Variants in PDE10A observed in about 807,000 individuals in gnomAD.
PDE10A encodes cAMP and cAMP-inhibited cGMP 3',5'-cyclic phosphodiesterase 10A.
Under a neutral mutation model 97.7 loss-of-function variants are expected in PDE10A, and 39 were observed. The observed-to-expected ratio is 0.40, with a 90% confidence interval of 0.31 to 0.52. PDE10A has a LOEUF of 0.52. Among genes scored for constraint, PDE10A ranks in the 20% least tolerant of loss-of-function variants. The probability of loss-of-function intolerance (pLI) is 0.56; values close to 1 mark genes in which losing one functional copy is unlikely to be tolerated. For missense variants in PDE10A, 731 were observed against 1,047.8 expected, an observed-to-expected ratio of 0.70 and a Z score of 4.17; for synonymous variants, 371 against 376.8, an observed-to-expected ratio of 0.98 and a Z score of 0.18.
At chr6:165,838,035 A>G (rs377294574) in intron 1 of PDE10A, among the ~76,000 whole-genome samples, 1 of 152,230 alleles carries the variant, frequency 6.6e-6, no homozygotes, top group South Asian at 2.1e-4. Flanking sequence ...AGAGGAAGTT[A>G]GAGAACTAGA....
chr6:165,675,432 G>C (rs879927262), intron 1 of PDE10A, among the ~76,000 whole-genome samples: 4 of 151,882 alleles, frequency 2.6e-5, no homozygotes, highest in Non-Finnish European at 5.9e-5. Context: ...GTATATTCTT[G>C]GTATTGAGAA....
At chr6:165,630,366 A>T (rs1417935347) in intron 1 of PDE10A, among the ~76,000 whole-genome samples, 1 of 152,094 alleles carries the variant, frequency 6.6e-6, no homozygotes, top group Admixed American at 6.5e-5. Context: ...CAAACAAAAA[A>T]CTGTATATAG....
intron 1 of PDE10A, among the ~76,000 whole-genome samples, chr6:165,966,499 G>A (rs987104959): frequency 9.9e-5 from 15 of 152,222 alleles, no homozygotes; most frequent in South Asian, 2.1e-4. Context: ...TCCAGGCCTC[G>A]CAGCCCAGCT....
intron 1 of PDE10A, among the ~76,000 whole-genome samples, chr6:165,714,351 G>C (rs1791975690): frequency 6.6e-6 from 1 of 152,350 alleles, no homozygotes; most frequent in Non-Finnish European, 1.5e-5. Flanking sequence ...TTTGCCGTTT[G>C]TGAACCTCCA....
At chr6:165,778,816 T>C (rs1172354784) in intron 1 of PDE10A, among the ~76,000 whole-genome samples, 1 of 152,260 alleles carries the variant, frequency 6.6e-6, no homozygotes, top group African/African-American at 2.4e-5. Context: ...TATGAAATTC[T>C]TGCTTGTATT....
rs373542158 is a variant in PDE10A, at chr6:165,354,061, A to C, written c.2784-10559T>G. 2.6e-3 allele frequency among the ~76,000 whole-genome samples: 395 copies of C among 152,324 alleles called. 26 individuals are homozygous for C. In the South Asian group the frequency reaches 0.078, roughly 30 times the overall value. On this transcript the variant is annotated intron_variant, in intron 18 of 21. Transcript: ENST00000539869. Reference sequence around the variant, plus strand: ...GAAATAAAATTGGTTAATGTAAAAAAGAATTATAGTTTCAAATAAGATGGA... The same window carrying C: ...GAAATAAAATTGGTTAATGTAAAAACGAATTATAGTTTCAAATAAGATGGA...
At chr6:165,760,858 G>C (rs1474244269) in intron 1 of PDE10A, among the ~76,000 whole-genome samples, 1 of 152,164 alleles carries the variant, frequency 6.6e-6, no homozygotes, top group Non-Finnish European at 1.5e-5. Context: ...ATTTGTAGCA[G>C]CTCCAACTGC....
Position 165,712,834 on chromosome 6 carries a change from G to A in PDE10A, c.-614-169266C>T, listed in dbSNP as rs183946454. Among the ~76,000 whole-genome samples the A allele has an allele frequency of 3.9e-4, 60 of 152,132 alleles. 1 individual carries two copies. Among genetic ancestry groups the A allele is most frequent in the African/African-American group, 1.3e-3 (55 of 41,526 alleles). On this transcript the variant is annotated intron_variant, in intron 1 of 19. Transcript: ENST00000366882. ...TTTTGTATTTTTTAGTAGAGACGGAGCTTCACCGTGTTAGCCAGGATGGTC... is the reference window on the plus strand; with the variant it reads ...TTTTGTATTTTTTAGTAGAGACGGAACTTCACCGTGTTAGCCAGGATGGTC...
At chr6:165,359,688 T>C (rs971008718) in intron 18 of PDE10A, among the ~76,000 whole-genome samples, 3 of 152,208 alleles carry the variant, frequency 2.0e-5, no homozygotes, top group Non-Finnish European at 4.4e-5. Context: ...CCTGACTGCT[T>C]ATGTCTTCTT....
chr6:165,852,947 C>T (rs1271884590), intron 1 of PDE10A, among the ~76,000 whole-genome samples: 2 of 152,256 alleles, frequency 1.3e-5, no homozygotes, highest in Non-Finnish European at 2.9e-5. Context: ...GTTCTCTGCA[C>T]ATTTGTGACT....
At chr6:165,700,210 T>C (rs1351650555) in intron 1 of PDE10A, among the ~76,000 whole-genome samples, 1 of 152,062 alleles carries the variant, frequency 6.6e-6, no homozygotes, top group African/African-American at 2.4e-5. Context: ...AGAGACCACA[T>C]ACTGGATGAG....
chr6:165,696,224 T>C (rs1354003183), intron 1 of PDE10A, among the ~76,000 whole-genome samples: 2 of 152,232 alleles, frequency 1.3e-5, no homozygotes, highest in East Asian at 1.9e-4. Context: ...CTACAATATA[T>C]TACAGTGGTC....
chr6:165,473,965 A>G (rs964448513), intron 3 of PDE10A, among the ~76,000 whole-genome samples: 4 of 152,254 alleles, frequency 2.6e-5, no homozygotes, highest in Admixed American at 6.5e-5. Flanking sequence ...AGATTCATAC[A>G]GAAACTCTGA....
At chr6:165,953,370 C>A (rs1454747089) in intron 1 of PDE10A, among the ~76,000 whole-genome samples, 1 of 152,178 alleles carries the variant, frequency 6.6e-6, no homozygotes, top group African/African-American at 2.4e-5. Flanking sequence ...GCGGGCGAAT[C>A]ACCTGAGGTC....
chr6:165,923,914 C>A (rs895659415), intron 1 of PDE10A, among the ~76,000 whole-genome samples: 1 of 152,178 alleles, frequency 6.6e-6, no homozygotes, highest in African/African-American at 2.4e-5. Flanking sequence ...ATAAGACCAG[C>A]TTTTGCCTGT....
intron 21 of PDE10A, among the ~76,000 whole-genome samples, chr6:165,333,754 G>C (rs570168378): frequency 4.6e-5 from 7 of 152,286 alleles, no homozygotes; most frequent in African/African-American, 1.7e-4. Flanking sequence ...CAGTGTCTGT[G>C]GTTCAAGCTT....
Position 165,425,575 on chromosome 6 carries a change from A to G in PDE10A, c.1653+3083T>C, listed in dbSNP as rs143288975. Among the ~76,000 whole-genome samples the G allele has an allele frequency of 1.8e-3, 274 of 152,272 alleles. 1 individual carries two copies. The highest frequency in any genetic ancestry group is 2.7e-3 in the Non-Finnish European group (187 of 68,006). Reference sequence around the variant, plus strand: ...CCCTCTATGAAAAACCCACAAAAAAATCATATTTAACGGCAAAAAACTAAA... The same window carrying G: ...CCCTCTATGAAAAACCCACAAAAAAGTCATATTTAACGGCAAAAAACTAAA... On this transcript the variant is annotated intron_variant, in intron 10 of 21. Transcript: ENST00000539869.
chr6:165,590,849 C>T (rs1440656245), intron 1 of PDE10A, among the ~76,000 whole-genome samples: 1 of 152,130 alleles, frequency 6.6e-6, no homozygotes, highest in African/African-American at 2.4e-5. Flanking sequence ...CGAGATCACG[C>T]CACTGCAGTC....
At chr6:165,898,268 G>T (rs888298649) in intron 1 of PDE10A, among the ~76,000 whole-genome samples, 17 of 152,110 alleles carry the variant, frequency 1.1e-4, no homozygotes, top group African/African-American at 4.1e-4. Flanking sequence ...CAACTTCTAG[G>T]ACACCAGAGC....
Sources: allele counts gnomAD v4.1 joint callset (sites outside exome capture counted in the v4.1 genomes callset), GRCh38; gene constraint gnomAD v4.1.1; transcripts MANE v1.5; gene names NCBI Gene and HGNC (gene_info 2026-07-23, HGNC 2026-07-21).